The following UPP2 variants were observed in gnomAD, a reference collection of about 807,000 sequenced individuals.
The protein encoded by UPP2 is UPase 2.
A neutral mutation model predicts 26.7 loss-of-function variants in UPP2; 23 were observed. That is an observed-to-expected ratio of 0.86 (90% CI 0.62 to 1.22). UPP2 has a LOEUF of 1.22. Among genes scored for constraint, UPP2 ranks in the 50% most tolerant of loss-of-function variants. The pLI is 0.00. For missense variants in UPP2, 387 were observed against 396.7 expected, an observed-to-expected ratio of 0.98 and a Z score of 0.21; for synonymous variants, 127 against 141.3, an observed-to-expected ratio of 0.90 and a Z score of 0.72.
At chr2:158,130,573 A>T (rs181334788) in intron 6 of UPP2, among the ~76,000 whole-genome samples, 1 of 152,190 alleles carries the variant, frequency 6.6e-6, no homozygotes, top group African/African-American at 2.4e-5. Context: ...ATTATCAGCT[A>T]TATTATAATG....
At chr2:158,125,671 C>T (rs371649060) in intron 6 of UPP2, among the ~76,000 whole-genome samples, 1 of 152,132 alleles carries the variant, frequency 6.6e-6, no homozygotes, top group Non-Finnish European at 1.5e-5. Flanking sequence ...CCACTTGCCT[C>T]GGCCTCCCAA....
intron 3 of UPP2, among the ~76,000 whole-genome samples, chr2:158,050,255 T>C (rs557482698): frequency 6.6e-6 from 1 of 152,346 alleles, no homozygotes; most frequent in Non-Finnish European, 1.5e-5. Context: ...AGGTAACATA[T>C]CATTCTCTTC....
intron 3 of UPP2, among the ~76,000 whole-genome samples, chr2:158,044,850 A>G (rs1338057390): frequency 1.3e-5 from 2 of 152,134 alleles, no homozygotes; most frequent in African/African-American, 2.4e-5. Context: ...GTCCCTACCA[A>G]TCACAGCCTT....
chr2:158,112,109 T>G (rs1040604988), intron 2 of UPP2, among the ~76,000 whole-genome samples: 2 of 152,136 alleles, frequency 1.3e-5, no homozygotes, highest in African/African-American at 4.8e-5. Flanking sequence ...AAGCTTCTAA[T>G]AAAATCCACG....
chr2:158,113,152 A>G lies in UPP2; in HGVS notation c.181-1949A>G, dbSNP rs185055402. Among the ~76,000 whole-genome samples, 159 of 152,326 alleles carry G rather than the reference A, an allele frequency of 1.0e-3. 4 individuals are homozygous for G. The South Asian group carries it at 0.024, about 23-fold the overall frequency. On this transcript the variant is annotated intron_variant, in intron 2 of 6. Coordinates refer to ENST00000005756, the MANE Select transcript of UPP2 (RefSeq NM_173355.4). ...ATATGATCTTTATGTCTCCAGAAATATTCAGAAATTCCTGTCGATTATAGC... is the reference window on the plus strand; with the variant it reads ...ATATGATCTTTATGTCTCCAGAAATGTTCAGAAATTCCTGTCGATTATAGC...
At chr2:158,023,427 A>G (rs1272402714) in intron 3 of UPP2, among the ~76,000 whole-genome samples, 1 of 152,214 alleles carries the variant, frequency 6.6e-6, no homozygotes, top group Admixed American at 6.5e-5. Context: ...CACTTCTCAT[A>G]AAGAGCCTCC....
intron 3 of UPP2, among the ~76,000 whole-genome samples, chr2:158,030,665 C>CTT: frequency 6.6e-6 from 1 of 152,218 alleles, no homozygotes; most frequent in African/African-American, 2.4e-5. Context: ...TTCAAAATAC[C>CTT]ACCACATTTA....
intron 3 of UPP2, among the ~76,000 whole-genome samples, chr2:158,117,162 C>T (rs1683450138): frequency 4.6e-5 from 7 of 151,926 alleles, no homozygotes. Context: ...GTGTAGCCAC[C>T]AGGAGTTGCT....
At chr2:158,042,504 T>G (rs1418353944) in intron 3 of UPP2, among the ~76,000 whole-genome samples, 1 of 152,204 alleles carries the variant, frequency 6.6e-6, no homozygotes, top group African/African-American at 2.4e-5. Context: ...GATTTCATGG[T>G]GTTTCTGTGA....
At chr2:157,998,795 GT>G (rs1683362210) in intron 2 of UPP2, among the ~76,000 whole-genome samples, 1 of 152,050 alleles carries the variant, frequency 6.6e-6, no homozygotes. Flanking sequence ...GCAAGACTCT[GT>G]CGCAAAAATA....
chr2:158,083,071 G>A (rs1274364987), intron 3 of UPP2, among the ~76,000 whole-genome samples: 1 of 152,194 alleles, frequency 6.6e-6, no homozygotes, highest in East Asian at 1.9e-4. Context: ...TGCTGGAGAG[G>A]ATGCGGAGAA....
At chr2:158,035,908 A>G (rs1683993055) in intron 3 of UPP2, among the ~76,000 whole-genome samples, 1 of 152,158 alleles carries the variant, frequency 6.6e-6, no homozygotes, top group South Asian at 2.1e-4. Flanking sequence ...GATTTCTAGG[A>G]AGTTGATTTT....
At chr2:158,075,773 T>TA (rs1054758117) in intron 3 of UPP2, among the ~76,000 whole-genome samples, 16 of 151,648 alleles carry the variant, frequency 1.1e-4, no homozygotes. Context: ...TGATGCATCT[T>TA]AAAAAATTAG....
At position 158,093,769 on chromosome 2, in the gene UPP2, G is replaced by A. The variant is rs181212268; in HGVS notation, c.148-8271G>A. On this transcript the variant is annotated intron_variant, in intron 3 of 9. Coordinates refer to the UPP2 transcript ENST00000605860. ...GGTTTATTATACACTGTTGACAAAA[G>A]TGTAACTTGGTAAAACTATTAGGTA... 1.3e-3 allele frequency among the ~76,000 whole-genome samples: 195 copies of A among 152,112 alleles called. 1 individual carries two copies. Among genetic ancestry groups the A allele is most frequent in the African/African-American group, 4.5e-3 (187 of 41,526 alleles).
intron 3 of UPP2, among the ~76,000 whole-genome samples, chr2:158,022,800 C>G (rs889364046): frequency 1.3e-5 from 2 of 152,320 alleles, no homozygotes; most frequent in East Asian, 3.9e-4. Flanking sequence ...TATTTATCCA[C>G]TCATTCTTTC....
At chr2:158,093,307 A>C (rs970345735) in intron 3 of UPP2, among the ~76,000 whole-genome samples, 3 of 125,774 alleles carry the variant, frequency 2.4e-5, no homozygotes, top group African/African-American at 3.5e-5. Flanking sequence ...CACACACACA[A>C]TTAGAAAAAA....
rs1452789146 is a variant in UPP2, at chr2:158,101,970, G to C, written c.-94G>C. On this transcript the variant is annotated 5_prime_UTR_variant, in exon 1 of 7. Coordinates refer to ENST00000005756, the MANE Select transcript of UPP2 (RefSeq NM_173355.4). ...GAGGTTATCATTCTGACTGGGAACT[G>C]AACTATTATGACTAGGTCTATAATT... The C allele has an allele frequency of 1.0e-5, 16 of 1,539,342 alleles. No homozygotes were observed. The highest frequency in any genetic ancestry group is 1.3e-5 in the Non-Finnish European group (15 of 1,146,548).
At chr2:157,997,899 G>A (rs543003268) in intron 2 of UPP2, among the ~76,000 whole-genome samples, 1 of 152,186 alleles carries the variant, frequency 6.6e-6, no homozygotes, top group African/African-American at 2.4e-5. Context: ...GTTGTAGGTG[G>A]ATAAGTACAC....
At chr2:158,079,770 C>T (rs748133577) in intron 3 of UPP2, among the ~76,000 whole-genome samples, 56 of 152,186 alleles carry the variant, frequency 3.7e-4, no homozygotes, top group Non-Finnish European at 7.1e-4. Flanking sequence ...TGAATGAGTT[C>T]GAGTGAGTCA....
Sources: gnomAD v4.1 joint callset for allele counts (sites outside exome capture counted in the v4.1 genomes callset) on GRCh38, gnomAD v4.1.1 for gene constraint, MANE v1.5 for transcripts, NCBI Gene and HGNC (gene_info 2026-07-23, HGNC 2026-07-21) for gene names.